The following PTPRR variants were observed in gnomAD, a reference collection of about 807,000 sequenced individuals.
PTPRR encodes the protein protein tyrosine phosphatase receptor type R.
Under a neutral mutation model 77.2 loss-of-function variants are expected in PTPRR, and 38 were observed. That is an observed-to-expected ratio of 0.49 (90% confidence interval 0.38 to 0.65). PTPRR has a LOEUF of 0.65. Ranked by LOEUF, PTPRR falls within the 30% of genes least tolerant of loss-of-function variation. The probability of loss-of-function intolerance (pLI) is 0.00; values close to 1 mark genes in which losing one functional copy is unlikely to be tolerated. For missense variants in PTPRR, 744 were observed against 799.2 expected (o/e 0.93, Z 0.83); for synonymous variants, 299 against 283.1 (o/e 1.06, Z -0.57).
chr12:70,774,644 A>C (rs1338189384), intron 2 of PTPRR, among the ~76,000 whole-genome samples: 2 of 152,236 alleles, frequency 1.3e-5, no homozygotes, highest in Non-Finnish European at 2.9e-5. Flanking sequence ...TTTGTAGAGC[A>C]TGCACAGATT....
At chr12:70,851,424 G>A (rs545750364) in intron 2 of PTPRR, among the ~76,000 whole-genome samples, 1 of 152,254 alleles carries the variant, frequency 6.6e-6, no homozygotes, top group African/African-American at 2.4e-5. Context: ...TTTGGGTAGA[G>A]GTTAAGAGCA....
intron 2 of PTPRR, among the ~76,000 whole-genome samples, chr12:70,820,624 C>T (rs556685299): frequency 3.1e-4 from 47 of 152,312 alleles, no homozygotes; most frequent in African/African-American, 9.6e-4. Context: ...TGAGCCACTG[C>T]GCCCAGCCAC....
chr12:70,844,981 T>A (rs74643999), intron 2 of PTPRR, among the ~76,000 whole-genome samples: 2 of 152,140 alleles, frequency 1.3e-5, no homozygotes, highest in African/African-American at 2.4e-5. Context: ...ATTTTGTAAA[T>A]ACATAAAAAG....
intron 5 of PTPRR, among the ~76,000 whole-genome samples, chr12:70,748,231 T>C (rs753663592): frequency 6.6e-6 from 1 of 152,210 alleles, no homozygotes; most frequent in Non-Finnish European, 1.5e-5. Flanking sequence ...TATGGAGGTT[T>C]GGAAAGAAAA....
Position 70,701,168 on chromosome 12 carries a change from G to T in PTPRR, c.1163C>A (p.Ala388Glu). The T allele has an allele frequency of 6.2e-7, 1 of 1,613,886 alleles. No homozygotes were observed. Among genetic ancestry groups the T allele is most frequent in the Non-Finnish European group, 8.5e-7 (1 of 1,179,918 alleles). Reference protein sequence around the residue: ...LTRSQLRDVVASSHLLQSEFM... With the variant: ...LTRSQLRDVVESSHLLQSEFM... The stretch of plus-strand genomic sequence containing the variant: ...TTCACTTTGGAGTAAATGTGAACTT[G>T]CCACGACGTCCCTCAGCTGAGACCT... The change falls in exon 7 of 14, where the codon GCA (alanine) becomes GAA (glutamate). Residue 388 changes from alanine to glutamate, a missense_variant. Around this residue, in one of 3 missense-constraint regions of PTPRR, gnomAD observed 570 missense variants for 573.2 expected, o/e 0.99. Coordinates refer to ENST00000283228, the MANE Select transcript of PTPRR (RefSeq NM_002849.4).
chr12:70,741,348 TA>T (rs1565676476), intron 6 of PTPRR, among the ~76,000 whole-genome samples: 2 of 152,134 alleles, frequency 1.3e-5, no homozygotes, highest in African/African-American at 4.8e-5. Flanking sequence ...GTTATGGAAC[TA>T]AAGCAGCGGG....
intron 10 of PTPRR, among the ~76,000 whole-genome samples, chr12:70,670,486 G>C (rs1887181703): frequency 6.6e-6 from 1 of 152,180 alleles, no homozygotes; most frequent in African/African-American, 2.4e-5. Flanking sequence ...ACTTTGTAGA[G>C]TTAGAGGAAA....
intron 1 of PTPRR, among the ~76,000 whole-genome samples, chr12:70,910,784 G>A (rs996024273): frequency 6.6e-6 from 1 of 152,260 alleles, no homozygotes; most frequent in South Asian, 2.1e-4. Context: ...AATGCCCAAG[G>A]GGACCAGGCT....
chr12:70,706,338 T>G (rs1245658094), intron 6 of PTPRR, among the ~76,000 whole-genome samples: 1 of 151,680 alleles, frequency 6.6e-6, no homozygotes, highest in Non-Finnish European at 1.5e-5. Context: ...ATAAATGGAG[T>G]GTTACCAATT....
Position 70,806,088 on chromosome 12 carries a change from G to A in PTPRR, c.358-41310C>T, listed in dbSNP as rs1194428247. On this transcript the variant is annotated intron_variant, in intron 2 of 13. Transcript: ENST00000283228. ...TCTGGTAGATTTCTTACCCTCACAG[G>A]TCTGAGTTGACCAACCAACCAATTA... Among the ~76,000 whole-genome samples, 2 of 152,168 alleles carry A rather than the reference G, an allele frequency of 1.3e-5. 1 individual carries two copies. The highest frequency in any genetic ancestry group is 4.8e-5 in the African/African-American group (2 of 41,442).
intron 6 of PTPRR, among the ~76,000 whole-genome samples, chr12:70,723,257 C>G (rs73132540): frequency 6.6e-6 from 1 of 152,016 alleles, no homozygotes; most frequent in Non-Finnish European, 1.5e-5. Context: ...AGATAAGAGA[C>G]TTGGAAATTA....
At chr12:70,841,908 C>G (rs903224179) in intron 2 of PTPRR, among the ~76,000 whole-genome samples, 1 of 152,170 alleles carries the variant, frequency 6.6e-6, no homozygotes, top group Non-Finnish European at 1.5e-5. Flanking sequence ...TGTGGATAAG[C>G]CTTCCCATTG....
chr12:70,844,615 T>C (rs1009801846), intron 2 of PTPRR, among the ~76,000 whole-genome samples: 2 of 152,128 alleles, frequency 1.3e-5, no homozygotes, highest in Non-Finnish European at 2.9e-5. Flanking sequence ...AGTTATGGGA[T>C]GAATAAGTTC....
chr12:70,835,243 T>A (rs942545308), intron 2 of PTPRR, among the ~76,000 whole-genome samples: 1 of 152,168 alleles, frequency 6.6e-6, no homozygotes, highest in Non-Finnish European at 1.5e-5. Flanking sequence ...ATGCCCTTTG[T>A]ATACTTAAAA....
At chr12:70,716,258 T>G (rs1447998822) in intron 6 of PTPRR, among the ~76,000 whole-genome samples, 1 of 152,066 alleles carries the variant, frequency 6.6e-6, no homozygotes, top group Non-Finnish European at 1.5e-5. Flanking sequence ...CCACTATATA[T>G]GTACTCTAAC....
chr12:70,851,851 A>G (rs1892576861), intron 2 of PTPRR, among the ~76,000 whole-genome samples: 2 of 152,240 alleles, frequency 1.3e-5, no homozygotes, highest in African/African-American at 4.8e-5. Context: ...ATAGACAAGA[A>G]AGAAAAAGCC....
At chr12:70,708,902 A>G (rs1352012999) in intron 6 of PTPRR, among the ~76,000 whole-genome samples, 1 of 151,944 alleles carries the variant, frequency 6.6e-6, no homozygotes, top group Non-Finnish European at 1.5e-5. Flanking sequence ...TATGCAATCA[A>G]CTACCAAAGA....
chr12:70,750,397 T>C (rs1273243375), intron 5 of PTPRR, among the ~76,000 whole-genome samples: 1 of 152,206 alleles, frequency 6.6e-6, no homozygotes, highest in Non-Finnish European at 1.5e-5. Context: ...ATCTTTCCTT[T>C]GTCATGGAAT....
chr12:70,909,273 ACT>A (rs1413409008), intron 1 of PTPRR, among the ~76,000 whole-genome samples: 2 of 151,946 alleles, frequency 1.3e-5, no homozygotes, highest in African/African-American at 4.8e-5. Flanking sequence ...ATGTGTGAGA[ACT>A]CTCTTTGATT....
Sources: gnomAD v4.1 joint callset for allele counts (sites outside exome capture counted in the v4.1 genomes callset) on GRCh38, gnomAD v4.1.1 for gene constraint, gnomAD v4.1.1 regional missense constraint, MANE v1.5 for transcripts, NCBI Gene and HGNC (gene_info 2026-07-23, HGNC 2026-07-21) for gene names.